C10orf90: variants seen among roughly 807,000 people sequenced by gnomAD.
C10orf90 encodes chromosome 10 open reading frame 90.
C10orf90 carries 56 observed loss-of-function variants against 62.5 expected under a neutral mutation model. That is an observed-to-expected ratio of 0.90 (90% CI 0.72 to 1.12). The LOEUF is 1.12. Among genes scored for constraint, C10orf90 ranks in the 50% most tolerant of loss-of-function variants. The pLI, the probability that C10orf90 is intolerant of heterozygous loss-of-function variation, is 0.00. For synonymous variants in C10orf90, 386 were observed against 340.4 expected, an observed-to-expected ratio of 1.13 and a Z score of -1.47; for missense variants, 970 against 880.4, an observed-to-expected ratio of 1.10 and a Z score of -1.29.
intron 2 of C10orf90, among the ~76,000 whole-genome samples, chr10:126,575,024 A>C (rs917154535): frequency 6.6e-6 from 1 of 152,160 alleles, no homozygotes; most frequent in Non-Finnish European, 1.5e-5. Flanking sequence ...GACAAGAAAA[A>C]GAAATAAAAA....
At chr10:126,625,039 G>A (rs1845715178) in intron 2 of C10orf90, among the ~76,000 whole-genome samples, 1 of 152,172 alleles carries the variant, frequency 6.6e-6, no homozygotes, top group African/African-American at 2.4e-5. Context: ...CAGGTCTGGG[G>A]CCCCCGTCCA....
At position 126,614,466 on chromosome 10, in the gene C10orf90, A is replaced by G. The variant is rs114929798; in HGVS notation, c.313+32099T>C. On this transcript the variant is annotated intron_variant, in intron 2 of 9. Coordinates refer to ENST00000488181, the MANE Select transcript of C10orf90 (RefSeq NM_001350921.2). ...TTAAAAAAAGCCTATGGCAACATGT[A>G]TCACCTTCTGCTCAATCCTGAAGCT... Among the ~76,000 whole-genome samples the G allele has an allele frequency of 9.6e-3, 1,464 of 152,266 alleles. 22 individuals are homozygous for G. Among genetic ancestry groups the G allele is most frequent in the African/African-American group, 0.032 (1,326 of 41,552 alleles).
At chr10:126,647,561 G>A (rs1424919020) in intron 1 of C10orf90, among the ~76,000 whole-genome samples, 1 of 152,166 alleles carries the variant, frequency 6.6e-6, no homozygotes, top group Non-Finnish European at 1.5e-5. Flanking sequence ...GCTTCCCCCC[G>A]ATCCCATAGT....
chr10:126,525,623 G>A (rs1295289496), intron 2 of C10orf90, among the ~76,000 whole-genome samples: 1 of 152,102 alleles, frequency 6.6e-6, no homozygotes. Context: ...TGCACATCGG[G>A]GGTCTGGAGA....
intron 2 of C10orf90, among the ~76,000 whole-genome samples, chr10:126,573,873 T>C (rs1183306280): frequency 6.6e-6 from 1 of 152,152 alleles, no homozygotes; most frequent in African/African-American, 2.4e-5. Flanking sequence ...TACTATTTTG[T>C]TCAAATTCTA....
At chr10:126,450,016 G>A (rs1449467169) in intron 7 of C10orf90, among the ~76,000 whole-genome samples, 1 of 149,600 alleles carries the variant, frequency 6.7e-6, no homozygotes, top group Non-Finnish European at 1.5e-5. Flanking sequence ...AAAATCAGTA[G>A]CATTTCTGTA....
At chr10:126,604,740 A>G (rs1431245996) in intron 2 of C10orf90, among the ~76,000 whole-genome samples, 1 of 152,234 alleles carries the variant, frequency 6.6e-6, no homozygotes, top group African/African-American at 2.4e-5. Context: ...CAATTTAGCT[A>G]CACTTCTCTG....
At chr10:126,524,526 G>T in intron 2 of C10orf90, 2 of 631,424 alleles carry the variant, frequency 3.2e-6, no homozygotes, top group Non-Finnish European at 3.9e-6. Flanking sequence ...AGAGAGTCAG[G>T]GCTTAGGCAG....
chr10:126,587,598 A>G (rs1184668782), intron 2 of C10orf90, among the ~76,000 whole-genome samples: 1 of 152,224 alleles, frequency 6.6e-6, no homozygotes, highest in Non-Finnish European at 1.5e-5. Context: ...CAATGCCATC[A>G]CATTGAGGGT....
chr10:126,485,561 G>A (rs1304971300), intron 4 of C10orf90, among the ~76,000 whole-genome samples: 1 of 152,012 alleles, frequency 6.6e-6, no homozygotes, highest in Non-Finnish European at 1.5e-5. Flanking sequence ...CATTCTAGTG[G>A]GAAAAATAGA....
chr10:126,532,213 C>T lies in C10orf90; in HGVS notation c.314-18274G>A, dbSNP rs556570356. ...GCATCTCAGCCTGCCATGTCCCTAACTTGACCTGTGGCTCTATCTGTGGAT... is the reference window on the plus strand; with the variant it reads ...GCATCTCAGCCTGCCATGTCCCTAATTTGACCTGTGGCTCTATCTGTGGAT... On this transcript the variant is annotated intron_variant, in intron 2 of 9. Transcript: ENST00000488181. 1.5e-4 allele frequency among the ~76,000 whole-genome samples: 23 copies of T among 152,300 alleles called. No individual in the cohort carries two copies. The East Asian group carries it at 3.3e-3, about 22-fold the overall frequency.
At chr10:126,495,548 C>A (rs1204180848) in intron 4 of C10orf90, among the ~76,000 whole-genome samples, 1 of 152,190 alleles carries the variant, frequency 6.6e-6, no homozygotes, top group Non-Finnish European at 1.5e-5. Flanking sequence ...CATTGAACAA[C>A]AAACTACTTT....
At chr10:126,610,777 C>T (rs1416870766) in intron 2 of C10orf90, among the ~76,000 whole-genome samples, 1 of 152,084 alleles carries the variant, frequency 6.6e-6, no homozygotes, top group African/African-American at 2.4e-5. Context: ...AAACCTTCAC[C>T]CACTCAGAGT....
At chr10:126,482,300 T>C (rs1194205248) in intron 4 of C10orf90, among the ~76,000 whole-genome samples, 3 of 152,164 alleles carry the variant, frequency 2.0e-5, no homozygotes, top group Non-Finnish European at 4.4e-5. Flanking sequence ...TGAATCTACT[T>C]GGCTGAATGG....
chr10:126,596,061 C>T (rs1166924681), intron 2 of C10orf90, among the ~76,000 whole-genome samples: 1 of 150,460 alleles, frequency 6.6e-6, no homozygotes, highest in Non-Finnish European at 1.5e-5. Context: ...ACCGATTTGT[C>T]AGAATGCCAA....
chr10:126,593,423 A>G (rs1431544816), intron 2 of C10orf90, among the ~76,000 whole-genome samples: 2 of 152,232 alleles, frequency 1.3e-5, no homozygotes, highest in Non-Finnish European at 2.9e-5. Context: ...ATTCTCAGCA[A>G]ACTAACACAG....
intron 1 of C10orf90, among the ~76,000 whole-genome samples, chr10:126,653,296 G>A (rs561764710): frequency 3.9e-5 from 6 of 152,302 alleles, no homozygotes; most frequent in South Asian, 4.1e-4. Context: ...CATTTCACCC[G>A]CAGTAGAACT....
intron 4 of C10orf90, among the ~76,000 whole-genome samples, chr10:126,472,649 C>G (rs1338068789): frequency 9.9e-5 from 15 of 152,032 alleles, no homozygotes; most frequent in Non-Finnish European, 2.9e-5. Context: ...AATTACCAAG[C>G]AGGCAATGCT....
intron 2 of C10orf90, among the ~76,000 whole-genome samples, chr10:126,571,366 G>T (rs752284515): frequency 6.6e-6 from 1 of 152,142 alleles, no homozygotes; most frequent in Non-Finnish European, 1.5e-5. Flanking sequence ...CCCTGAGCCC[G>T]GTGGCCCAAG....
Sources: allele counts gnomAD v4.1 joint callset (sites outside exome capture counted in the v4.1 genomes callset), GRCh38; gene constraint gnomAD v4.1.1; transcripts MANE v1.5; gene names NCBI Gene and HGNC (gene_info 2026-07-23, HGNC 2026-07-21).